BTF3L4: variants seen among roughly 807,000 people sequenced by gnomAD.
BTF3L4 encodes the protein transcription factor BTF3 homolog 4.
BTF3L4 carries 6 observed loss-of-function variants against 16.8 expected under a neutral mutation model. The ratio of observed to expected loss-of-function variants is 0.36; its 90% confidence interval spans 0.20 to 0.71. The LOEUF (loss-of-function observed/expected upper bound fraction) is 0.71. BTF3L4 is among the 30% of genes least tolerant of loss of function. The pLI is 0.58. For missense variants in BTF3L4, 92 were observed against 186.9 expected (o/e 0.49, Z 2.96); for synonymous variants, 39 against 59.8 (o/e 0.65, Z 1.60).
chr1:52,073,051 CTG>C (rs368057336), intron 3 of BTF3L4, among the ~76,000 whole-genome samples: 39 of 152,022 alleles, frequency 2.6e-4, no homozygotes, highest in African/African-American at 8.7e-4. Context: ...GAGCAAGACT[CTG>C]TCTCAAAAAA....
At chr1:52,057,003 A>G (rs959244173) in intron 1 of BTF3L4, among the ~76,000 whole-genome samples, 2 of 152,234 alleles carry the variant, frequency 1.3e-5, no homozygotes, top group Non-Finnish European at 2.9e-5. Context: ...GGGAGTGGTA[A>G]CAATAGTTAC....
intron 4 of BTF3L4, among the ~76,000 whole-genome samples, chr1:52,083,901 T>C (rs1558010953): frequency 6.6e-6 from 1 of 151,312 alleles, no homozygotes; most frequent in Non-Finnish European, 1.5e-5. Context: ...GCGCCTATAA[T>C]CCCAGCTACT....
intron 3 of BTF3L4, among the ~76,000 whole-genome samples, chr1:52,080,235 A>G (rs1393010895): frequency 6.6e-6 from 1 of 152,138 alleles, no homozygotes; most frequent in Non-Finnish European, 1.5e-5. Context: ...AAACAAGAAC[A>G]AGTTGGGAAA....
intron 1 of BTF3L4, among the ~76,000 whole-genome samples, chr1:52,057,662 T>A (rs1423205246): frequency 2.0e-5 from 3 of 152,194 alleles, no homozygotes; most frequent in Non-Finnish European, 4.4e-5. Flanking sequence ...TGACATCGCA[T>A]AGACTGAGTC....
In BTF3L4 at chr1:52,086,098, T is replaced by A; in HGVS notation, c.371-14T>A. On this transcript the variant is annotated splice_polypyrimidine_tract_variant and intron_variant, in intron 4 of 5. Transcript: ENST00000313334. ...TTGTTCTCAATGACTAATATTAAAA[T>A]AAACTTTTTGTAGTCTTGGACAGTA... is the stretch of plus-strand genomic sequence containing the variant. 1 of 1,575,788 alleles carries A rather than the reference T, an allele frequency of 6.3e-7. No individual in the cohort carries two copies. Among genetic ancestry groups the A allele is most frequent in the Non-Finnish European group, 8.6e-7 (1 of 1,158,760 alleles).
chr1:52,083,408 T>C lies in BTF3L4; in HGVS notation c.237T>C (p.Ser79=). 1 of 1,611,488 alleles carries C rather than the reference T, an allele frequency of 6.2e-7. No individual in the cohort carries two copies. The highest frequency in any genetic ancestry group is 8.5e-7 in the Non-Finnish European group (1 of 1,177,880). ...FNNPKVQASL[S]ANTFAITGHA... ...ATCCCAAAGTCCAAGCTTCCCTTTC[T>C]GCTAATACCTTTGCAATTACTGGTC... The change falls in exon 4 of 6, where the codon TCT becomes TCC. Residue 79 remains serine, a synonymous_variant. Coordinates refer to ENST00000313334, the MANE Select transcript of BTF3L4 (RefSeq NM_152265.5).
chr1:52,073,481 ATATATGC>A (rs1258965122), intron 3 of BTF3L4, among the ~76,000 whole-genome samples: 9 of 123,578 alleles, frequency 7.3e-5, no homozygotes, highest in African/African-American at 1.9e-4. Context: ...TATGCACTAT[ATATATGC>A]TACATACACA....
Position 52,086,322 on chromosome 1 carries a change from C to T in BTF3L4, c.430+151C>T, listed in dbSNP as rs564740277. On this transcript the variant is annotated intron_variant, in intron 5 of 5. Coordinates refer to ENST00000313334, the MANE Select transcript of BTF3L4 (RefSeq NM_152265.5). Reference sequence around the variant, plus strand: ...GTGGATAGGATCTAATGAAAAACAACGTAAGCACCCACCTTAGAACCTAGA... The same window carrying T: ...GTGGATAGGATCTAATGAAAAACAATGTAAGCACCCACCTTAGAACCTAGA... 159 of 537,546 alleles carry T rather than the reference C, an allele frequency of 3.0e-4. No homozygotes were observed. In the East Asian group the frequency reaches 4.8e-3, roughly 16 times the overall value. 33.3% of individuals were successfully genotyped at this position (537,546 alleles called of 1,614,324 possible).
Position 52,086,928 on chromosome 1 carries a change from T to G in BTF3L4, c.*170T>G, listed in dbSNP as rs1643977694. 1.1e-5 allele frequency: 5 copies of G among 439,086 alleles called. No individual in the cohort carries two copies. The highest frequency in any genetic ancestry group is 8.2e-6 in the Non-Finnish European group (2 of 242,626). 27.2% of individuals were successfully genotyped at this position (439,086 alleles called of 1,614,324 possible). On this transcript the variant is annotated 3_prime_UTR_variant, in exon 6 of 6. Coordinates refer to ENST00000313334, the MANE Select transcript of BTF3L4 (RefSeq NM_152265.5). Reference sequence around the variant, plus strand: ...TTTTTCGGTCATTTGATTTTGCATTTTGCACTTCCTCCCAGGATATTTTTT... The same window carrying G: ...TTTTTCGGTCATTTGATTTTGCATTGTGCACTTCCTCCCAGGATATTTTTT...
At chr1:52,073,048 A>G (rs1355868144) in intron 3 of BTF3L4, among the ~76,000 whole-genome samples, 1 of 151,298 alleles carries the variant, frequency 6.6e-6, no homozygotes, top group Non-Finnish European at 1.5e-5. Flanking sequence ...ACAGAGCAAG[A>G]CTCTGTCTCA....
intron 2 of BTF3L4, among the ~76,000 whole-genome samples, chr1:52,060,128 A>G (rs1215011052): frequency 6.6e-6 from 1 of 152,200 alleles, no homozygotes; most frequent in Admixed American, 6.5e-5. Context: ...AACTCTTACC[A>G]TCTGCTAGTT....
chr1:52,057,531 G>A (rs1032087070), intron 1 of BTF3L4, among the ~76,000 whole-genome samples: 24 of 152,310 alleles, frequency 1.6e-4, no homozygotes, highest in African/African-American at 5.8e-4. Flanking sequence ...ATACTTTGCT[G>A]GTGCTAGCAG....
intron 3 of BTF3L4, among the ~76,000 whole-genome samples, chr1:52,069,441 A>T (rs989130744): frequency 1.3e-5 from 2 of 152,190 alleles, no homozygotes. Flanking sequence ...AAATGTATAC[A>T]TGAAAATATA....
intron 3 of BTF3L4, among the ~76,000 whole-genome samples, chr1:52,074,378 T>A (rs902456741): frequency 2.0e-5 from 3 of 151,644 alleles, no homozygotes; most frequent in African/African-American, 7.3e-5. Context: ...TTTTTTTTTT[T>A]TTTGGAGGCA....
At chr1:52,086,007 C>T in intron 4 of BTF3L4, 105 bp from the exon 5 acceptor site, 1 of 609,338 alleles carries the variant, frequency 1.6e-6, no homozygotes. Flanking sequence ...TTAGCTATTT[C>T]TGAGCAACTC....
chr1:52,065,126 G>C, intron 3 of BTF3L4, 188 bp downstream of exon 3: 2 of 379,888 alleles, frequency 5.3e-6, no homozygotes, highest in Non-Finnish European at 9.5e-6. Flanking sequence ...TTAGTAGACA[G>C]TTAAGGATTT....
At chr1:52,059,993 C>A in intron 2 of BTF3L4, 92 bp downstream of exon 2, 1 of 1,237,058 alleles carries the variant, frequency 8.1e-7, no homozygotes, top group Middle Eastern at 1.9e-4. Context: ...AATCTAAAAT[C>A]TTTTCAATAA....
chr1:52,066,234 C>T (rs1409819533), intron 3 of BTF3L4, among the ~76,000 whole-genome samples: 1 of 152,018 alleles, frequency 6.6e-6, no homozygotes, highest in African/African-American at 2.4e-5. Context: ...CACTCTGTCA[C>T]CCAGGCTAGA....
chr1:52,062,926 G>A (rs1416985317), intron 2 of BTF3L4, among the ~76,000 whole-genome samples: 16 of 11,546 alleles, frequency 1.4e-3, no homozygotes, highest in Admixed American at 0.012. Context: ...CCTCGCATAC[G>A]CAGCTCACAA....
Sources: gnomAD v4.1 joint callset for allele counts (sites outside exome capture counted in the v4.1 genomes callset) on GRCh38, gnomAD v4.1.1 for gene constraint, MANE v1.5 for transcripts, NCBI Gene and HGNC (gene_info 2026-07-23, HGNC 2026-07-21) for gene names.